The following NMU variants were observed in gnomAD, a reference collection of about 807,000 sequenced individuals.
The protein encoded by NMU is neuromedin-U.
A neutral mutation model predicts 35.4 loss-of-function variants in NMU; 29 were observed. That is an observed-to-expected ratio of 0.82 (90% CI 0.61 to 1.12). NMU has a LOEUF of 1.12. Ranked by LOEUF, NMU falls within the 50% of genes most tolerant of loss-of-function variation. The pLI, the probability that NMU is intolerant of heterozygous loss-of-function variation, is 0.00. For missense variants in NMU, 199 were observed against 206.2 expected (o/e 0.97, Z 0.21); for synonymous variants, 78 against 81.3 (o/e 0.96, Z 0.22).
At chr4:55,625,780 C>G (rs1734502104) in intron 2 of NMU, among the ~76,000 whole-genome samples, 1 of 151,298 alleles carries the variant, frequency 6.6e-6, no homozygotes, top group Admixed American at 6.6e-5. Context: ...TATTTCCTCA[C>G]TTTTTTCCCA....
In NMU at chr4:55,616,319, T is replaced by G; in HGVS notation, c.219+19A>C. ...CACAAACACCTACATTATTACAAAA[T>G]ATCTTCAATTGGAATTACCTGAGGC... On this transcript the variant is annotated intron_variant, in intron 3 of 9. Transcript: ENST00000264218. The G allele has an allele frequency of 6.3e-7, 1 of 1,590,204 alleles. No individual in the cohort carries two copies. Among genetic ancestry groups the G allele is most frequent in the African/African-American group, 1.3e-5 (1 of 74,572 alleles).
At chr4:55,606,812 A>G (rs2412665) in intron 6 of NMU, among the ~76,000 whole-genome samples, 33,988 of 151,180 alleles carry the variant, frequency 0.22, 4,170 homozygotes, top group South Asian at 0.28. Context: ...CGAGTAGCTG[A>G]GACCACAGGC....
At chr4:55,600,429 A>C in intron 8 of NMU, 93 bp downstream of exon 8, 1 of 867,428 alleles carries the variant, frequency 1.2e-6, no homozygotes, top group Admixed American at 2.0e-5. Context: ...ATAAACTTTA[A>C]AACTTAATTG....
intron 1 of NMU, among the ~76,000 whole-genome samples, chr4:55,635,369 T>C (rs950364797): frequency 1.3e-5 from 2 of 152,186 alleles, no homozygotes; most frequent in African/African-American, 4.8e-5. Context: ...GCTCAGCATG[T>C]CCCTATTGTT....
chr4:55,605,663 C>T (rs1344219673), intron 6 of NMU, among the ~76,000 whole-genome samples: 1 of 152,178 alleles, frequency 6.6e-6, no homozygotes, highest in Non-Finnish European at 1.5e-5. Flanking sequence ...CTTTGAGAGG[C>T]AAAAGGCAGT....
chr4:55,602,769 T>C (rs1439214613), intron 7 of NMU, among the ~76,000 whole-genome samples: 1 of 152,236 alleles, frequency 6.6e-6, no homozygotes, highest in Non-Finnish European at 1.5e-5. Context: ...AGATCTTACA[T>C]TTCTCTTTAC....
Position 55,630,435 on chromosome 4 carries a change from T to C in NMU, c.138A>G (p.Leu46=), listed in dbSNP as rs1265984655. The C allele has an allele frequency of 1.2e-6, 2 of 1,612,658 alleles. No homozygotes were observed. The highest frequency in any genetic ancestry group is 8.5e-7 in the Non-Finnish European group (1 of 1,178,906). Residue 46 remains leucine, a synonymous_variant, in exon 2 of 10, where the codon TTA becomes TTG. Coordinates refer to ENST00000264218, the MANE Select transcript of NMU (RefSeq NM_006681.4). Reference sequence around the variant, plus strand: ...ACAACTGTAGCTGTTGTTCAGGCTGTAATCCTTGAGGTAATATTGGAGCAC... The same window carrying C: ...ACAACTGTAGCTGTTGTTCAGGCTGCAATCCTTGAGGTAATATTGGAGCAC... The part of the protein sequence containing the change: ...CRGAPILPQG[L]QPEQQLQLWN...
Position 55,616,191 on chromosome 4 carries a change from TATTG to T in NMU, c.219+143_219+146del, listed in dbSNP as rs1734103549. 7.3e-6 allele frequency: 5 copies of T among 681,588 alleles called. No individual in the cohort carries two copies. In the Admixed American group the frequency reaches 8.9e-5, roughly 12 times the overall value. The allele number at this position is 681,588 out of a possible 1,614,324, so 42.2% of individuals were successfully genotyped here. ...AGCACATTACAACACAAGCCCACAG[TATTG>T]ATTATTATCTACAGCAAATGTAATA... On this transcript the variant is annotated intron_variant, in intron 3 of 9. Coordinates refer to ENST00000264218, the MANE Select transcript of NMU (RefSeq NM_006681.4).
intron 2 of NMU, among the ~76,000 whole-genome samples, chr4:55,619,942 G>T (rs1360241417): frequency 6.9e-6 from 1 of 145,182 alleles, no homozygotes; most frequent in Non-Finnish European, 1.5e-5. Context: ...CAACAGACCT[G>T]CAGCTGAGGG....
rs541136019 is a variant in NMU at position 55,609,323 on chromosome 4, A to C, written c.220-144T>G. The C allele has an allele frequency of 2.2e-4, 150 of 688,366 alleles. 2 individuals are homozygous for C. In the South Asian group the frequency reaches 2.4e-3, roughly 11 times the overall value. The allele number at this position is 688,366 out of a possible 1,614,324, so 42.6% of individuals were successfully genotyped here. A position where few individuals can be genotyped will look rare whatever the true frequency, so the allele number is the denominator to read the frequency against. ...TCTGTAGATTATTAAAACTGTTGGAATCCTTTGATTTCTCTCACAACAAAA... is the reference window on the plus strand; with the variant it reads ...TCTGTAGATTATTAAAACTGTTGGACTCCTTTGATTTCTCTCACAACAAAA... On this transcript the variant is annotated intron_variant, in intron 3 of 9. Transcript: ENST00000264218.
At chr4:55,605,641 C>A (rs1469393636) in intron 6 of NMU, among the ~76,000 whole-genome samples, 3 of 152,160 alleles carry the variant, frequency 2.0e-5, no homozygotes. Flanking sequence ...CAAGTAAAAC[C>A]CCTCACTGCC....
At chr4:55,619,516 G>A (rs958610004) in intron 2 of NMU, among the ~76,000 whole-genome samples, 12 of 142,840 alleles carry the variant, frequency 8.4e-5, no homozygotes, top group Non-Finnish European at 4.6e-5. Flanking sequence ...AGGGTCCTAC[G>A]CCCACGGAAT....
intron 6 of NMU, 103 bp downstream of exon 6, chr4:55,607,195 A>C: frequency 1.3e-6 from 1 of 776,764 alleles, no homozygotes; most frequent in South Asian, 1.6e-5. Context: ...AAACTTTTAA[A>C]GTAAAAAATT....
At chr4:55,626,676 C>T (rs1734543151) in intron 2 of NMU, among the ~76,000 whole-genome samples, 1 of 152,160 alleles carries the variant, frequency 6.6e-6, no homozygotes, top group South Asian at 2.1e-4. Flanking sequence ...CCACTGTACT[C>T]CAGCCTGGGC....
At chr4:55,596,433 A>T (rs544130142) in intron 9 of NMU, among the ~76,000 whole-genome samples, 1 of 151,718 alleles carries the variant, frequency 6.6e-6, no homozygotes, top group South Asian at 2.1e-4. Context: ...ACACTCTAAT[A>T]CTTATTTCAA....
intron 9 of NMU, among the ~76,000 whole-genome samples, chr4:55,597,412 A>G (rs1386314868): frequency 1.3e-5 from 2 of 151,446 alleles, no homozygotes; most frequent in South Asian, 4.2e-4. Flanking sequence ...CTTGTTGCCC[A>G]GGCTGGAGTA....
chr4:55,616,885 A>C (rs559274661), intron 2 of NMU, among the ~76,000 whole-genome samples: 54 of 152,314 alleles, frequency 3.5e-4, no homozygotes, highest in Admixed American at 5.2e-4. Context: ...CCAGTATTGG[A>C]AGAGAGTTCT....
At position 55,609,274 on chromosome 4, in the gene NMU, G is replaced by C. The variant is rs1220487621; in HGVS notation, c.220-95C>G. ...CAAAATGTTAGGGGCATGAGGAAAT[G>C]CTAACTACCTGGAAAAGAATCCTTC... On this transcript the variant is annotated intron_variant, in intron 3 of 9. Coordinates refer to ENST00000264218, the MANE Select transcript of NMU (RefSeq NM_006681.4). 22 of 891,660 alleles carry C rather than the reference G, an allele frequency of 2.5e-5. 1 individual carries two copies. The highest frequency in any genetic ancestry group is 1.5e-5 in the Non-Finnish European group (8 of 530,054). The allele number at this position is 891,660 out of a possible 1,614,324, so 55.2% of individuals were successfully genotyped here. A position where few individuals can be genotyped will look rare whatever the true frequency, so the allele number is the denominator to read the frequency against.
Position 55,600,584 on chromosome 4 carries a change from G to GA in NMU, c.436-10dup, listed in dbSNP as rs1317728706. On this transcript the variant is annotated splice_polypyrimidine_tract_variant and intron_variant, in intron 7 of 9. Coordinates refer to ENST00000264218, the MANE Select transcript of NMU (RefSeq NM_006681.4). ...GGACTTTGGAATTCTTCCTAGAAGA[G>GA]AAAATGAGGGCATTACAAATCACAT... The GA allele has an allele frequency of 1.3e-6, 2 of 1,598,828 alleles. No individual in the cohort carries two copies. The highest frequency in any genetic ancestry group is 8.6e-7 in the Non-Finnish European group (1 of 1,166,500).
Sources: gnomAD v4.1 joint callset for allele counts (sites outside exome capture counted in the v4.1 genomes callset) on GRCh38, gnomAD v4.1.1 for gene constraint, MANE v1.5 for transcripts, NCBI Gene and HGNC (gene_info 2026-07-23, HGNC 2026-07-21) for gene names.